SIPA1L1: variants seen among roughly 807,000 people sequenced by gnomAD.
SIPA1L1 encodes signal induced proliferation associated 1 like 1.
SIPA1L1 carries 26 observed loss-of-function variants against 162.7 expected under a neutral mutation model. That is an observed-to-expected ratio of 0.16 (90% CI 0.12 to 0.22). The LOEUF is 0.22. SIPA1L1 is among the 10% of genes least tolerant of loss of function. SIPA1L1 has a pLI of 1.00. For synonymous variants in SIPA1L1, 829 were observed against 837.4 expected, an observed-to-expected ratio of 0.99 and a Z score of 0.17; for missense variants, 1,874 against 2,241.0, an observed-to-expected ratio of 0.84 and a Z score of 3.31.
chr14:71,355,469 A>G (rs1219500669), intron 2 of SIPA1L1, among the ~76,000 whole-genome samples: 1 of 152,188 alleles, frequency 6.6e-6, no homozygotes, highest in African/African-American at 2.4e-5. Context: ...CGAAGTACTG[A>G]TCATTTTGGC....
At chr14:71,469,259 A>G (rs2047261302) in intron 2 of SIPA1L1, among the ~76,000 whole-genome samples, 1 of 152,168 alleles carries the variant, frequency 6.6e-6, no homozygotes, top group Non-Finnish European at 1.5e-5. Context: ...CATCCCCAGC[A>G]TCACTCTAGT....
chr14:71,612,498 A>G (rs541760146), intron 5 of SIPA1L1, among the ~76,000 whole-genome samples: 2 of 152,350 alleles, frequency 1.3e-5, no homozygotes, highest in Non-Finnish European at 2.9e-5. Flanking sequence ...ATAAATTATA[A>G]CTTTACAGAT....
intron 2 of SIPA1L1, among the ~76,000 whole-genome samples, chr14:71,380,227 T>G (rs1227019159): frequency 1.3e-5 from 2 of 152,228 alleles, no homozygotes; most frequent in African/African-American, 4.8e-5. Context: ...TAGTTAGGAA[T>G]TAAATTATTT....
intron 4 of SIPA1L1, among the ~76,000 whole-genome samples, chr14:71,558,532 G>A (rs541837298): frequency 8.5e-5 from 13 of 152,278 alleles, no homozygotes; most frequent in African/African-American, 3.1e-4. Context: ...TCACTTGGCT[G>A]TAACCAGAAC....
At chr14:71,506,061 C>T (rs2050642869) in intron 2 of SIPA1L1, among the ~76,000 whole-genome samples, 1 of 150,558 alleles carries the variant, frequency 6.6e-6, no homozygotes, top group South Asian at 2.1e-4. Context: ...ATTCTGTTTT[C>T]CACCTTAACA....
intron 17 of SIPA1L1, among the ~76,000 whole-genome samples, chr14:71,710,095 G>A (rs1040257808): frequency 6.6e-6 from 1 of 152,200 alleles, no homozygotes; most frequent in Non-Finnish European, 1.5e-5. Flanking sequence ...GCGATGCCAA[G>A]CACGTCCTTT....
At chr14:71,720,669 T>C (rs2083643265) in intron 17 of SIPA1L1, among the ~76,000 whole-genome samples, 1 of 152,160 alleles carries the variant, frequency 6.6e-6, no homozygotes, top group African/African-American at 2.4e-5. Context: ...TGTATTTTCA[T>C]GTAGCCTGTC....
chr14:71,532,742 T>C (rs1004663067), intron 4 of SIPA1L1, among the ~76,000 whole-genome samples: 4 of 152,242 alleles, frequency 2.6e-5, no homozygotes, highest in Admixed American at 6.5e-5. Flanking sequence ...CTGATGAAAG[T>C]AAATTTTTTT....
At chr14:71,534,801 C>G (rs1233046052) in intron 4 of SIPA1L1, among the ~76,000 whole-genome samples, 1 of 152,190 alleles carries the variant, frequency 6.6e-6, no homozygotes, top group East Asian at 1.9e-4. Flanking sequence ...AATGTACATT[C>G]ATCTGTTCTG....
chr14:71,671,484 T>A lies in SIPA1L1; in HGVS notation c.2621T>A (p.Leu874Gln). ...GAAGACTACAACAAGGCCATGGAAC[T>A]AGACTGCCTTTTAGGGATCTCCAAT... Reference protein sequence around the residue: ...RAEDYNKAMELDCLLGISNEF... With the variant: ...RAEDYNKAMEQDCLLGISNEF... The change falls in exon 11 of 24, where the codon CTA becomes CAA. Residue 874 changes from leucine (L) to glutamine (Q), a missense_variant. Leu to Gln is a moderately radical substitution (Grantham distance 113). Transcript: ENST00000381232. 6.2e-7 allele frequency: 1 copy of A among 1,614,188 alleles called. No individual in the cohort carries two copies. Among genetic ancestry groups the A allele is most frequent in the Non-Finnish European group, 8.5e-7 (1 of 1,180,030 alleles).
intron 2 of SIPA1L1, among the ~76,000 whole-genome samples, chr14:71,487,386 A>G (rs1225385912): frequency 2.0e-5 from 3 of 152,182 alleles, no homozygotes; most frequent in African/African-American, 7.2e-5. Flanking sequence ...AATACTCCAA[A>G]CAGTGCCTGA....
chr14:71,425,776 C>G (rs1250093165), intron 2 of SIPA1L1, among the ~76,000 whole-genome samples: 1 of 151,996 alleles, frequency 6.6e-6, no homozygotes, highest in Admixed American at 6.6e-5. Context: ...GTTGTTCCAT[C>G]CATTATTGAG....
chr14:71,712,849 A>G (rs915170780), intron 17 of SIPA1L1, among the ~76,000 whole-genome samples: 8 of 152,158 alleles, frequency 5.3e-5, no homozygotes, highest in East Asian at 1.9e-4. Context: ...TTAGCCAGCT[A>G]TTCTCCAGGT....
chr14:71,523,384 G>T (rs1595892979), intron 3 of SIPA1L1, among the ~76,000 whole-genome samples: 1 of 148,486 alleles, frequency 6.7e-6, no homozygotes. Flanking sequence ...CATAATCTCA[G>T]AGTTTAAAAA....
intron 2 of SIPA1L1, among the ~76,000 whole-genome samples, chr14:71,439,380 G>T (rs1417631775): frequency 6.6e-6 from 1 of 152,160 alleles, no homozygotes; most frequent in Non-Finnish European, 1.5e-5. Flanking sequence ...TTCTGTGTTT[G>T]TCATAAATTT....
chr14:71,432,220 C>T (rs1218635398), intron 2 of SIPA1L1, among the ~76,000 whole-genome samples: 3 of 151,896 alleles, frequency 2.0e-5, no homozygotes, highest in African/African-American at 7.3e-5. Context: ...GACTCTAGAC[C>T]TGTGCCACCT....
At chr14:71,725,076 A>T (rs1445800934) in intron 19 of SIPA1L1, among the ~76,000 whole-genome samples, 1 of 152,154 alleles carries the variant, frequency 6.6e-6, no homozygotes, top group East Asian at 1.9e-4. Context: ...ACAGCTGTTT[A>T]TTCTTCTGCT....
intron 3 of SIPA1L1, among the ~76,000 whole-genome samples, chr14:71,515,464 G>A (rs1234064532): frequency 6.6e-6 from 1 of 151,948 alleles, no homozygotes; most frequent in East Asian, 1.9e-4. Flanking sequence ...CTCTTCTATG[G>A]GCTATGGAAT....
intron 4 of SIPA1L1, among the ~76,000 whole-genome samples, chr14:71,578,031 C>T (rs1221192653): frequency 1.3e-5 from 2 of 152,170 alleles, no homozygotes; most frequent in Non-Finnish European, 2.9e-5. Flanking sequence ...CTACCTCAGC[C>T]TCCCAAGTAC....
Sources: gnomAD v4.1 joint callset for allele counts (sites outside exome capture counted in the v4.1 genomes callset) on GRCh38, gnomAD v4.1.1 for gene constraint, MANE v1.5 for transcripts, NCBI Gene and HGNC (gene_info 2026-07-23, HGNC 2026-07-21) for gene names.